Variants in CDH12 observed in about 807,000 individuals in gnomAD.
CDH12 encodes cadherin 12.
A neutral mutation model predicts 74.1 loss-of-function variants in CDH12; 41 were observed. The observed-to-expected ratio is 0.55, with a 90% CI of 0.43 to 0.72. The LOEUF (loss-of-function observed/expected upper bound fraction) is 0.72. Ranked by LOEUF, CDH12 falls within the 30% of genes least tolerant of loss-of-function variation. The pLI is 0.00. For missense variants in CDH12, 945 were observed against 977.2 expected (o/e 0.97, Z 0.44); for synonymous variants, 399 against 355.0 (o/e 1.12, Z -1.39).
intron 1 of CDH12, among the ~76,000 whole-genome samples, chr5:22,772,970 G>A (rs568881274): frequency 2.0e-5 from 3 of 152,060 alleles, no homozygotes; most frequent in Non-Finnish European, 4.4e-5. Flanking sequence ...TCTCTACAAG[G>A]AGAACTACGA....
At chr5:22,017,181 G>T (rs1473332764) in intron 5 of CDH12, among the ~76,000 whole-genome samples, 1 of 151,616 alleles carries the variant, frequency 6.6e-6, no homozygotes, top group African/African-American at 2.4e-5. Context: ...TTCCCCTTTT[G>T]TTCCTACTCC....
At chr5:22,358,465 T>C (rs1740660246) in intron 3 of CDH12, among the ~76,000 whole-genome samples, 1 of 152,018 alleles carries the variant, frequency 6.6e-6, no homozygotes, top group South Asian at 2.1e-4. Context: ...CCACTTTAAA[T>C]GAATTTGACA....
chr5:21,887,779 A>G (rs1475411723), intron 6 of CDH12, among the ~76,000 whole-genome samples: 1 of 152,172 alleles, frequency 6.6e-6, no homozygotes, highest in Non-Finnish European at 1.5e-5. Context: ...AGGTTGCATG[A>G]GGCCACAGTT....
intron 4 of CDH12, among the ~76,000 whole-genome samples, chr5:22,165,608 C>A (rs1748639665): frequency 6.6e-6 from 1 of 152,092 alleles, no homozygotes. Context: ...GCCTTTGAAC[C>A]ACAGCAACTC....
chr5:22,426,680 A>G (rs1561395497), intron 2 of CDH12, among the ~76,000 whole-genome samples: 1 of 152,172 alleles, frequency 6.6e-6, no homozygotes, highest in Non-Finnish European at 1.5e-5. Flanking sequence ...CCTAAATATA[A>G]TTTTAATATA....
chr5:22,374,887 G>A (rs901345703), intron 3 of CDH12, among the ~76,000 whole-genome samples: 9 of 151,458 alleles, frequency 5.9e-5, no homozygotes, highest in Non-Finnish European at 1.2e-4. Flanking sequence ...CCTGCTCAAA[G>A]CAATCTACAG....
intron 5 of CDH12, among the ~76,000 whole-genome samples, chr5:22,031,259 G>A (rs1298228418): frequency 6.6e-6 from 1 of 151,952 alleles, no homozygotes; most frequent in South Asian, 2.1e-4. Flanking sequence ...GCTTGAACCC[G>A]GGAGGCAGAG....
chr5:22,146,060 C>T (rs1433797436), intron 4 of CDH12, among the ~76,000 whole-genome samples: 2 of 151,932 alleles, frequency 1.3e-5, no homozygotes, highest in Non-Finnish European at 2.9e-5. Flanking sequence ...ATTCTGGTGG[C>T]TGTAAGCACT....
intron 5 of CDH12, among the ~76,000 whole-genome samples, chr5:21,998,849 C>T (rs1252549041): frequency 6.6e-6 from 1 of 152,086 alleles, no homozygotes; most frequent in Non-Finnish European, 1.5e-5. Context: ...TCTTTTCCTT[C>T]TCAAGGGAAG....
chr5:22,121,256 T>C (rs1422595822), intron 4 of CDH12, among the ~76,000 whole-genome samples: 1 of 152,194 alleles, frequency 6.6e-6, no homozygotes, highest in African/African-American at 2.4e-5. Flanking sequence ...GCCTAGTAAA[T>C]GGCCTTGGAA....
intron 1 of CDH12, among the ~76,000 whole-genome samples, chr5:22,689,762 C>T (rs1377500961): frequency 6.6e-6 from 1 of 151,914 alleles, no homozygotes; most frequent in African/African-American, 2.4e-5. Flanking sequence ...AGATAAGGAG[C>T]TGAGTTGGAA....
chr5:22,343,132 G>GGCCTAA (rs1445190187), intron 3 of CDH12, among the ~76,000 whole-genome samples: 3 of 152,066 alleles, frequency 2.0e-5, no homozygotes, highest in Non-Finnish European at 4.4e-5. Flanking sequence ...TGGGATTACA[G>GGCCTAA]GCCTAAGCCA....
chr5:22,218,577 G>A (rs1751904478), intron 3 of CDH12, among the ~76,000 whole-genome samples: 1 of 151,696 alleles, frequency 6.6e-6, no homozygotes, highest in Admixed American at 6.6e-5. Context: ...GGTGAATGAA[G>A]TTGGAATGAG....
rs941936834 is a variant in CDH12, at chr5:21,840,697, C to T, written c.814+1464G>A. ...AACAGAACAGAGCCCTCAGAAATAACGCCGCATATCTACAACTATCTGATC... is the reference window on the plus strand; with the variant it reads ...AACAGAACAGAGCCCTCAGAAATAATGCCGCATATCTACAACTATCTGATC... On this transcript the variant is annotated intron_variant, in intron 8 of 14. Coordinates refer to ENST00000382254, the MANE Select transcript of CDH12 (RefSeq NM_004061.5). Among the ~76,000 whole-genome samples the T allele has an allele frequency of 7.2e-5, 11 of 151,808 alleles. No homozygotes were observed. The East Asian group carries it at 9.7e-4, about 13-fold the overall frequency.
intron 2 of CDH12, among the ~76,000 whole-genome samples, chr5:22,490,500 A>G (rs185195051): frequency 2.6e-5 from 4 of 152,280 alleles, no homozygotes; most frequent in Admixed American, 2.6e-4. Context: ...AGAAAGAGAA[A>G]GTGCTGATAA....
intron 1 of CDH12, among the ~76,000 whole-genome samples, chr5:22,622,029 C>A (rs1331196770): frequency 2.0e-5 from 3 of 152,028 alleles, no homozygotes; most frequent in Non-Finnish European, 4.4e-5. Context: ...AAAATTGATA[C>A]ACATTTCTTA....
At chr5:22,598,343 G>A (rs1736697489) in intron 1 of CDH12, among the ~76,000 whole-genome samples, 1 of 152,146 alleles carries the variant, frequency 6.6e-6, no homozygotes, top group African/African-American at 2.4e-5. Context: ...GATCATGGGG[G>A]CAGTTTCCCG....
intron 1 of CDH12, among the ~76,000 whole-genome samples, chr5:22,566,640 T>C (rs1249468412): frequency 6.6e-6 from 1 of 152,212 alleles, no homozygotes; most frequent in African/African-American, 2.4e-5. Flanking sequence ...GTTTTCGCTT[T>C]TGTTGTCCTT....
intron 6 of CDH12, among the ~76,000 whole-genome samples, chr5:21,873,688 A>G (rs1307250526): frequency 1.3e-5 from 2 of 152,208 alleles, no homozygotes; most frequent in African/African-American, 2.4e-5. Context: ...TTTGTTACAT[A>G]GGTAAACGTG....
Sources: gnomAD v4.1 joint callset for allele counts (sites outside exome capture counted in the v4.1 genomes callset) on GRCh38, gnomAD v4.1.1 for gene constraint, MANE v1.5 for transcripts, NCBI Gene and HGNC (gene_info 2026-07-23, HGNC 2026-07-21) for gene names.